Variants in OLFM3 observed in about 807,000 individuals in gnomAD.
The protein encoded by OLFM3 is noelin-3.
In OLFM3, 20 loss-of-function variants were observed where a neutral mutation model predicts 48.6. The observed-to-expected ratio is 0.41, with a 90% CI of 0.29 to 0.60. The LOEUF is 0.60. Among genes scored for constraint, OLFM3 ranks in the 20% least tolerant of loss-of-function variants. The pLI is 0.28. For synonymous variants in OLFM3, 222 were observed against 198.1 expected, an observed-to-expected ratio of 1.12 and a Z score of -1.01; for missense variants, 437 against 544.3, an observed-to-expected ratio of 0.80 and a Z score of 1.96.
intron 1 of OLFM3, among the ~76,000 whole-genome samples, chr1:101,918,208 A>T (rs1354784454): frequency 6.6e-6 from 1 of 152,228 alleles, no homozygotes; most frequent in Non-Finnish European, 1.5e-5. Context: ...CAAGGAGTTA[A>T]ATTTCCTGAG....
chr1:101,811,888 T>C (rs2100870527), intron 4 of OLFM3, among the ~76,000 whole-genome samples: 1 of 152,278 alleles, frequency 6.6e-6, no homozygotes, highest in Admixed American at 6.5e-5. Context: ...CATGCACACG[T>C]ATGTTTATTG....
At chr1:101,938,596 G>C (rs748643106) in intron 1 of OLFM3, among the ~76,000 whole-genome samples, 5 of 152,184 alleles carry the variant, frequency 3.3e-5, no homozygotes, top group Non-Finnish European at 7.3e-5. Context: ...GCACATCATA[G>C]CACAGGCTGC....
At chr1:101,863,615 A>T (rs1656744079) in intron 1 of OLFM3, among the ~76,000 whole-genome samples, 3 of 152,220 alleles carry the variant, frequency 2.0e-5, no homozygotes, top group Non-Finnish European at 4.4e-5. Flanking sequence ...AGATCAGGAA[A>T]GTAAGGACGC....
At chr1:101,853,843 A>G (rs1322108488) in intron 1 of OLFM3, among the ~76,000 whole-genome samples, 2 of 152,020 alleles carry the variant, frequency 1.3e-5, no homozygotes, top group East Asian at 1.9e-4. Flanking sequence ...TTATAGTTAC[A>G]TGTATTTTTT....
chr1:101,822,831 T>C (rs1654673898), intron 4 of OLFM3, among the ~76,000 whole-genome samples: 1 of 150,080 alleles, frequency 6.7e-6, no homozygotes, highest in Admixed American at 6.7e-5. Flanking sequence ...TGTTTACCTA[T>C]TGTATATTAA....
intron 1 of OLFM3, among the ~76,000 whole-genome samples, chr1:101,954,745 A>G (rs1484393468): frequency 6.6e-6 from 1 of 152,074 alleles, no homozygotes; most frequent in Admixed American, 6.6e-5. Flanking sequence ...ATTCTATCCT[A>G]GAGGAGGAGG....
intron 1 of OLFM3, among the ~76,000 whole-genome samples, chr1:101,871,659 C>T (rs1570581481): frequency 6.6e-6 from 1 of 151,766 alleles, no homozygotes; most frequent in African/African-American, 2.4e-5. Flanking sequence ...AAAATCGAAG[C>T]CAAACCAAAC....
chr1:101,863,631 C>T (rs1656745272), intron 1 of OLFM3, among the ~76,000 whole-genome samples: 3 of 152,014 alleles, frequency 2.0e-5, no homozygotes, highest in South Asian at 4.1e-4. Flanking sequence ...GACGCTTATT[C>T]GTAAAAATAT....
chr1:101,922,328 T>G (rs1659123795), intron 1 of OLFM3, among the ~76,000 whole-genome samples: 1 of 152,196 alleles, frequency 6.6e-6, no homozygotes, highest in South Asian at 2.1e-4. Context: ...TCTTAATTTA[T>G]TATGCAGCAG....
At chr1:101,883,383 T>C (rs1657613798) in intron 1 of OLFM3, among the ~76,000 whole-genome samples, 1 of 151,346 alleles carries the variant, frequency 6.6e-6, no homozygotes, top group African/African-American at 2.4e-5. Flanking sequence ...AATTCAAAAA[T>C]GTAGAAATTC....
At chr1:101,889,819 T>C (rs2101003151) in intron 1 of OLFM3, among the ~76,000 whole-genome samples, 1 of 152,130 alleles carries the variant, frequency 6.6e-6, no homozygotes, top group Admixed American at 6.6e-5. Flanking sequence ...CTACATATAT[T>C]TGCCATATTT....
chr1:101,967,801 G>C (rs544757345), intron 1 of OLFM3, among the ~76,000 whole-genome samples: 6 of 152,080 alleles, frequency 3.9e-5, no homozygotes, highest in Non-Finnish European at 8.8e-5. Context: ...TGAGAAACAG[G>C]AATGGTACAA....
intron 1 of OLFM3, among the ~76,000 whole-genome samples, chr1:101,850,457 A>G (rs6694755): frequency 0.53 from 81,140 of 151,884 alleles, 22,561 homozygotes; most frequent in African/African-American, 0.68. Flanking sequence ...ATATAATATT[A>G]GCATGTTCTG....
chr1:101,816,333 G>A (rs1032787965), intron 4 of OLFM3, among the ~76,000 whole-genome samples: 1 of 152,090 alleles, frequency 6.6e-6, no homozygotes, highest in Non-Finnish European at 1.5e-5. Flanking sequence ...GTTAAGAAAG[G>A]TTTGTTTATA....
intron 1 of OLFM3, among the ~76,000 whole-genome samples, chr1:101,980,914 T>C (rs1661090080): frequency 6.6e-6 from 1 of 152,188 alleles, no homozygotes. Flanking sequence ...AAAGATTCAT[T>C]ATCGATTTAG....
chr1:101,845,209 G>A (rs1655935985), intron 1 of OLFM3, among the ~76,000 whole-genome samples: 1 of 151,000 alleles, frequency 6.6e-6, no homozygotes, highest in African/African-American at 2.4e-5. Context: ...GCAAAGGGGG[G>A]AATCAAAAGT....
intron 1 of OLFM3, among the ~76,000 whole-genome samples, chr1:101,903,454 A>T (rs758578239): frequency 7.9e-5 from 12 of 152,076 alleles, no homozygotes; most frequent in Non-Finnish European, 1.8e-4. Context: ...AATGAGTGGA[A>T]ATTGGGGTTG....
At chr1:101,865,214 A>T (rs1656810955) in intron 1 of OLFM3, among the ~76,000 whole-genome samples, 1 of 151,488 alleles carries the variant, frequency 6.6e-6, no homozygotes, top group Non-Finnish European at 1.5e-5. Flanking sequence ...CCCCTGCACC[A>T]GGGTGATTTC....
chr1:101,861,345 A>G (rs2100963314), intron 1 of OLFM3, among the ~76,000 whole-genome samples: 2 of 150,672 alleles, frequency 1.3e-5, no homozygotes, highest in Middle Eastern at 6.8e-3. Context: ...TACAGGCATG[A>G]GCCACCGTGC....
Sources: allele counts gnomAD v4.1 joint callset (sites outside exome capture counted in the v4.1 genomes callset), GRCh38; gene constraint gnomAD v4.1.1; transcripts MANE v1.5; gene names NCBI Gene and HGNC (gene_info 2026-07-23, HGNC 2026-07-21).